CNBD1: variants seen among roughly 807,000 people sequenced by gnomAD.
The protein encoded by CNBD1 is cyclic nucleotide binding domain containing 1, also known as cyclic nucleotide-binding domain-containing protein 1.
CNBD1 carries 71 observed loss-of-function variants against 54.4 expected under a neutral mutation model. The observed-to-expected ratio is 1.30, with a 90% CI of 1.08 to 1.59. The LOEUF is 1.59. CNBD1 is among the 40% of genes most tolerant of loss of function. The pLI is 0.00. For missense variants in CNBD1, 659 were observed against 518.0 expected (o/e 1.27, Z -2.64); for synonymous variants, 182 against 170.7 (o/e 1.07, Z -0.51).
At chr8:87,003,498 T>C (rs1328224906) in intron 4 of CNBD1, among the ~76,000 whole-genome samples, 1 of 152,230 alleles carries the variant, frequency 6.6e-6, no homozygotes, top group Non-Finnish European at 1.5e-5. Context: ...CCTTGGCATG[T>C]TACTTAAATA....
chr8:86,917,600 G>A (rs1809207397), intron 3 of CNBD1, among the ~76,000 whole-genome samples: 1 of 152,178 alleles, frequency 6.6e-6, no homozygotes, highest in Non-Finnish European at 1.5e-5. Flanking sequence ...GGAAGACCAA[G>A]CTGCTGAGTC....
intron 8 of CNBD1, among the ~76,000 whole-genome samples, chr8:87,304,420 G>A (rs1294531957): frequency 6.6e-6 from 1 of 151,958 alleles, no homozygotes; most frequent in Non-Finnish European, 1.5e-5. Context: ...CTCACTCATA[G>A]GTGGGAATTG....
chr8:86,962,864 G>T, intron 4 of CNBD1, among the ~76,000 whole-genome samples: 1 of 152,150 alleles, frequency 6.6e-6, no homozygotes. Flanking sequence ...TTGCTGGCAT[G>T]TCAGGCTTCT....
chr8:87,243,319 A>T (rs947175022), intron 6 of CNBD1, among the ~76,000 whole-genome samples: 1 of 152,246 alleles, frequency 6.6e-6, no homozygotes, highest in Non-Finnish European at 1.5e-5. Context: ...ATTTGTTTCA[A>T]ACAAGAACAT....
chr8:86,918,495 G>A (rs77200663), intron 3 of CNBD1, among the ~76,000 whole-genome samples: 12 of 152,200 alleles, frequency 7.9e-5, no homozygotes, highest in African/African-American at 2.9e-4. Flanking sequence ...TGTGTTGTGG[G>A]GAGGACCTGG....
intron 4 of CNBD1, among the ~76,000 whole-genome samples, chr8:87,084,371 T>C (rs1444062034): frequency 6.6e-6 from 1 of 152,216 alleles, no homozygotes; most frequent in African/African-American, 2.4e-5. Context: ...ACAGGCATGC[T>C]GACAATGGAT....
chr8:87,081,749 G>A (rs1177873894), intron 4 of CNBD1, among the ~76,000 whole-genome samples: 1 of 151,838 alleles, frequency 6.6e-6, no homozygotes, highest in Non-Finnish European at 1.5e-5. Context: ...CTCGTGATCT[G>A]CCTGCCTCGG....
chr8:87,290,914 G>C (rs919197671), intron 8 of CNBD1, among the ~76,000 whole-genome samples: 1 of 152,090 alleles, frequency 6.6e-6, no homozygotes, highest in Non-Finnish European at 1.5e-5. Context: ...TTGGCTTAAA[G>C]AAGTTTTACC....
At chr8:87,309,431 C>T (rs936381491) in intron 8 of CNBD1, among the ~76,000 whole-genome samples, 12 of 152,076 alleles carry the variant, frequency 7.9e-5, no homozygotes, top group African/African-American at 2.9e-4. Flanking sequence ...TACAGATTTT[C>T]CTCCAAATTT....
At chr8:87,126,898 T>C (rs569423172) in intron 4 of CNBD1, among the ~76,000 whole-genome samples, 189 of 152,018 alleles carry the variant, frequency 1.2e-3, no homozygotes, top group African/African-American at 4.4e-3. Context: ...AAACTATTAT[T>C]TTCTCTACTG....
At chr8:87,402,676 C>T (rs1415780429) in intron 2 of CNBD1, among the ~76,000 whole-genome samples, 1 of 152,036 alleles carries the variant, frequency 6.6e-6, no homozygotes, top group African/African-American at 2.4e-5. Context: ...AGGGCCAAAT[C>T]TCAGGGGATT....
intron 6 of CNBD1, among the ~76,000 whole-genome samples, chr8:87,275,136 T>TCTGTTTTGGTACCAGTACCATG (rs1217940046): frequency 7.1e-6 from 1 of 140,410 alleles, no homozygotes; most frequent in African/African-American, 2.8e-5. Flanking sequence ...GATCTGTATG[T>TCTGTTTTGGTACCAGTACCATG]CTGTTTTGGT....
intron 4 of CNBD1, among the ~76,000 whole-genome samples, chr8:86,951,654 ATTATT>A (rs1013673785): frequency 6.9e-6 from 1 of 145,676 alleles, no homozygotes; most frequent in African/African-American, 2.5e-5. Context: ...TAGCTTTTAA[ATTATT>A]TTATTTTTAA....
At chr8:87,361,309 T>A (rs1466867103) in intron 10 of CNBD1, among the ~76,000 whole-genome samples, 6 of 151,886 alleles carry the variant, frequency 4.0e-5, no homozygotes, top group African/African-American at 1.4e-4. Context: ...AATAATATTT[T>A]ATTTGCAAAG....
At chr8:86,868,707 T>G (rs1309447578) in intron 1 of CNBD1, among the ~76,000 whole-genome samples, 9 of 152,204 alleles carry the variant, frequency 5.9e-5, no homozygotes, top group Admixed American at 5.2e-4. Flanking sequence ...CACGTTATGT[T>G]ATTTCATGTA....
chr8:87,339,086 A>T (rs902924918), intron 8 of CNBD1, among the ~76,000 whole-genome samples: 4 of 152,002 alleles, frequency 2.6e-5, no homozygotes, highest in African/African-American at 7.3e-5. Context: ...TTCTTCCTTC[A>T]GGTCAAGCAG....
At chr8:86,984,608 G>T (rs1808562702) in intron 4 of CNBD1, among the ~76,000 whole-genome samples, 1 of 152,164 alleles carries the variant, frequency 6.6e-6, no homozygotes, top group East Asian at 1.9e-4. Flanking sequence ...GCATCAGTGT[G>T]ACCTGTATGT....
At chr8:87,211,438 A>G (rs966521491) in intron 5 of CNBD1, among the ~76,000 whole-genome samples, 1 of 152,090 alleles carries the variant, frequency 6.6e-6, no homozygotes, top group Non-Finnish European at 1.5e-5. Context: ...GCAGAATGAT[A>G]TAATTTGGAC....
chr8:86,934,450 C>A (rs1809510151), intron 3 of CNBD1, among the ~76,000 whole-genome samples: 1 of 152,098 alleles, frequency 6.6e-6, no homozygotes, highest in African/African-American at 2.4e-5. Context: ...CAAAAAATAA[C>A]AGCTTTACTT....
Sources: allele counts gnomAD v4.1 joint callset (sites outside exome capture counted in the v4.1 genomes callset), GRCh38; gene constraint gnomAD v4.1.1; transcripts MANE v1.5; gene names NCBI Gene and HGNC (gene_info 2026-07-23, HGNC 2026-07-21).